NEXMIF: variants seen among roughly 807,000 people sequenced by gnomAD.
The protein encoded by NEXMIF is XLMR protein related to neurite extension.
Under a neutral mutation model 62.1 loss-of-function variants are expected in NEXMIF, and 8 were observed. That is an observed-to-expected ratio of 0.13 (90% confidence interval 0.08 to 0.23). The LOEUF (loss-of-function observed/expected upper bound fraction) is 0.23. Ranked by LOEUF, NEXMIF falls within the 10% of genes least tolerant of loss-of-function variation. The probability of loss-of-function intolerance (pLI) is 1.00; values close to 1 mark genes in which losing one functional copy is unlikely to be tolerated. For synonymous variants in NEXMIF, 404 were observed against 416.6 expected (o/e 0.97, Z 0.37); for missense variants, 976 against 1,113.3 (o/e 0.88, Z 1.75).
At chrX:74,812,009 C>A (rs2080362024) in intron 1 of NEXMIF, among the ~76,000 whole-genome samples, 1 of 112,821 alleles carries the variant, frequency 8.9e-6, no homozygotes, top group Non-Finnish European at 1.9e-5. Flanking sequence ...TTATGTGATT[C>A]AATTAATCTT....
chrX:74,834,211 T>C (rs1195204860), intron 1 of NEXMIF, among the ~76,000 whole-genome samples: 2 of 111,481 alleles, frequency 1.8e-5, no homozygotes, highest in Non-Finnish European at 3.8e-5. Flanking sequence ...CTTTCCACTT[T>C]TTAACTTTTT....
At chrX:74,863,053 TC>T (rs1420548873) in intron 1 of NEXMIF, among the ~76,000 whole-genome samples, 3 of 108,169 alleles carry the variant, frequency 2.8e-5, no homozygotes, top group African/African-American at 1.0e-4. Flanking sequence ...GTGCTTGTAG[TC>T]CCCCCTATTC....
chrX:74,746,944 G>A (rs997166477), intron 1 of NEXMIF, among the ~76,000 whole-genome samples: 1 of 112,523 alleles, frequency 8.9e-6, no homozygotes, highest in Non-Finnish European at 1.9e-5. Flanking sequence ...ACAGAAAAGG[G>A]CTGGAGAGTT....
At chrX:74,841,391 G>A (rs1230171340) in intron 1 of NEXMIF, among the ~76,000 whole-genome samples, 1 of 111,753 alleles carries the variant, frequency 8.9e-6, no homozygotes, top group Non-Finnish European at 1.9e-5. Context: ...AGACTATGGG[G>A]TTTTCTTGAT....
chrX:74,846,925 T>C (rs761781127), intron 1 of NEXMIF, among the ~76,000 whole-genome samples: 1 of 112,138 alleles, frequency 8.9e-6, no homozygotes, highest in South Asian at 3.7e-4. Flanking sequence ...GGAACTAGAA[T>C]ATTCAAAATG....
chrX:74,864,463 T>C (rs754821008), intron 1 of NEXMIF, among the ~76,000 whole-genome samples: 167 of 111,722 alleles, frequency 1.5e-3, no homozygotes, highest in Non-Finnish European at 2.3e-3. Context: ...AGGGACCCAG[T>C]TGGAAGTAAT....
chrX:74,867,303 AAAG>A (rs1430667243), intron 1 of NEXMIF, among the ~76,000 whole-genome samples: 1 of 111,903 alleles, frequency 8.9e-6, no homozygotes, highest in African/African-American at 3.2e-5. Flanking sequence ...TGGAACCAAA[AAAG>A]AGCCCGTATA....
chrX:74,827,090 A>T (rs1602241595), intron 1 of NEXMIF, among the ~76,000 whole-genome samples: 1 of 112,507 alleles, frequency 8.9e-6, no homozygotes, highest in Admixed American at 9.4e-5. Flanking sequence ...AATGCAAATT[A>T]ATGTCCACTC....
At chrX:74,861,953 C>T (rs772698279) in intron 1 of NEXMIF, among the ~76,000 whole-genome samples, 2 of 111,540 alleles carry the variant, frequency 1.8e-5, no homozygotes, top group Non-Finnish European at 3.8e-5. Flanking sequence ...TGCAAAATAA[C>T]CAGCTAGCAT....
chrX:74,910,031 T>A (rs887985015), intron 1 of NEXMIF, among the ~76,000 whole-genome samples: 7 of 112,523 alleles, frequency 6.2e-5, no homozygotes, highest in African/African-American at 2.3e-4. Flanking sequence ...ACGGAGAACC[T>A]CTGCTAGGGC....
intron 1 of NEXMIF, among the ~76,000 whole-genome samples, chrX:74,905,784 T>G (rs1353314094): frequency 9.0e-6 from 1 of 110,890 alleles, no homozygotes; most frequent in African/African-American, 3.3e-5. Context: ...CACTCCAGCC[T>G]GGGCAACAGA....
At chrX:74,768,657 T>C (rs2080201663) in intron 1 of NEXMIF, among the ~76,000 whole-genome samples, 1 of 111,814 alleles carries the variant, frequency 8.9e-6, no homozygotes, top group South Asian at 3.7e-4. Context: ...TCCCCATCAA[T>C]AGAAGTACTA....
At chrX:74,900,731 G>C (rs373799730) in intron 1 of NEXMIF, among the ~76,000 whole-genome samples, 2 of 111,732 alleles carry the variant, frequency 1.8e-5, no homozygotes, top group East Asian at 5.6e-4. Context: ...ATTCACAATA[G>C]CCAAAAGGTG....
intron 1 of NEXMIF, among the ~76,000 whole-genome samples, chrX:74,909,965 G>C (rs190657679): frequency 3.1e-4 from 35 of 112,779 alleles, no homozygotes; most frequent in African/African-American, 8.7e-4. Flanking sequence ...GATTTCAGAA[G>C]ATGCATGGAA....
chrX:74,906,241 C>G (rs1383946911), intron 1 of NEXMIF, among the ~76,000 whole-genome samples: 1 of 108,130 alleles, frequency 9.2e-6, no homozygotes, highest in African/African-American at 3.4e-5. Flanking sequence ...CCATTGTACT[C>G]CAGCTTGGGT....
intron 1 of NEXMIF, among the ~76,000 whole-genome samples, chrX:74,868,440 G>T (rs2080588012): frequency 9.0e-6 from 1 of 111,675 alleles, no homozygotes; most frequent in Non-Finnish European, 1.9e-5. Flanking sequence ...TGAATACTAT[G>T]CAGGCATAAA....
At chrX:74,904,253 A>AGCAG (rs754090799) in intron 1 of NEXMIF, among the ~76,000 whole-genome samples, 38 of 111,586 alleles carry the variant, frequency 3.4e-4, no homozygotes, top group Non-Finnish European at 5.3e-4. Flanking sequence ...ATACTTTAGT[A>AGCAG]GCAGGAATCC....
In NEXMIF at chrX:74,743,597, A is replaced by G. The variant is rs1266297881; in HGVS notation, c.960T>C (p.Asn320=). 8.3e-7 allele frequency: 1 copy of G among 1,211,649 alleles called. No individual in the cohort carries two copies. Among genetic ancestry groups the G allele is most frequent in the Non-Finnish European group, 1.1e-6 (1 of 895,516 alleles). Residue 320 remains asparagine, a synonymous_variant, in exon 3 of 4, where the codon AAT becomes AAC. Transcript: ENST00000055682. ...TCAAAAGAGTAGTCTTGTCTCGAACATTGTCCTGAAAGGATTCATATCGAA... is the reference window on the plus strand; with the variant it reads ...TCAAAAGAGTAGTCTTGTCTCGAACGTTGTCCTGAAAGGATTCATATCGAA... ...LKIRYESFQD[N]VRDKTTLLMQ... is the part of the protein sequence containing the mutation.
Position 74,887,001 on chromosome X carries a change from G to C in NEXMIF, c.-48+37882C>G, listed in dbSNP as rs1302197883. On this transcript the variant is annotated intron_variant, in intron 1 of 3. Coordinates refer to ENST00000055682, the MANE Select transcript of NEXMIF (RefSeq NM_001008537.3). ...AGCCCTCAGAAATAATGCCGCGTAT[G>C]TACAACTATCTGATCTTTGACAAAG... 1.2e-4 allele frequency among the ~76,000 whole-genome samples: 13 copies of C among 111,634 alleles called. No individual in the cohort carries two copies. The South Asian group carries it at 2.6e-3, about 22-fold the overall frequency.
Sources: allele counts gnomAD v4.1 joint callset (sites outside exome capture counted in the v4.1 genomes callset), GRCh38; gene constraint gnomAD v4.1.1; transcripts MANE v1.5; gene names NCBI Gene and HGNC (gene_info 2026-07-23, HGNC 2026-07-21).